The following KCNIP4 variants were observed in gnomAD, a reference collection of about 807,000 sequenced individuals.
KCNIP4 encodes potassium voltage-gated channel interacting protein 4, also known as Kv channel-interacting protein 4.
Under a neutral mutation model 34.0 loss-of-function variants are expected in KCNIP4, and 12 were observed. That is an observed-to-expected ratio of 0.35 (90% CI 0.23 to 0.57). KCNIP4 has a LOEUF of 0.57. Ranked by LOEUF, KCNIP4 falls within the 20% of genes least tolerant of loss-of-function variation. The pLI is 0.83. For synonymous variants in KCNIP4, 124 were observed against 102.2 expected (o/e 1.21, Z -1.29); for missense variants, 238 against 311.7 (o/e 0.76, Z 1.78).
intron 1 of KCNIP4, among the ~76,000 whole-genome samples, chr4:21,556,697 G>A (rs1383216436): frequency 1.3e-5 from 2 of 152,006 alleles, no homozygotes; most frequent in Admixed American, 1.3e-4. Flanking sequence ...GAGGCAGGCA[G>A]ATCACCTGAG....
intron 1 of KCNIP4, among the ~76,000 whole-genome samples, chr4:21,670,907 C>T (rs564220832): frequency 2.6e-5 from 4 of 151,962 alleles, no homozygotes; most frequent in Admixed American, 6.5e-5. Flanking sequence ...CCGCCCGCCT[C>T]GGCCTCCCAA....
At chr4:21,080,371 C>T (rs1051841399) in intron 1 of KCNIP4, among the ~76,000 whole-genome samples, 1 of 152,072 alleles carries the variant, frequency 6.6e-6, no homozygotes, top group African/African-American at 2.4e-5. Context: ...CATTATTATG[C>T]TTACCTCTAC....
chr4:21,027,878 A>G (rs1447152093), intron 1 of KCNIP4, among the ~76,000 whole-genome samples: 1 of 152,164 alleles, frequency 6.6e-6, no homozygotes, highest in East Asian at 1.9e-4. Flanking sequence ...ATAATTTAAC[A>G]TGATGACAAT....
chr4:21,860,905 A>T (rs1392253254), intron 1 of KCNIP4, among the ~76,000 whole-genome samples: 1 of 152,036 alleles, frequency 6.6e-6, no homozygotes, highest in Non-Finnish European at 1.5e-5. Flanking sequence ...AAATTCTGAA[A>T]TTTTTTTCTT....
At chr4:20,745,047 C>T (rs75745245) in intron 5 of KCNIP4, among the ~76,000 whole-genome samples, 1 of 152,166 alleles carries the variant, frequency 6.6e-6, no homozygotes, top group Non-Finnish European at 1.5e-5. Context: ...CAGACTCTTG[C>T]TAGGAATGGT....
chr4:20,922,539 G>A lies in KCNIP4; in HGVS notation c.62-39830C>T, dbSNP rs201902103. On this transcript the variant is annotated intron_variant, in intron 1 of 8. Transcript: ENST00000382152. ...TGACTGTCTGTCTGTCTGTCTGTCT[G>A]TCTGTCTGTCTATCTATCTATCTAT... Among the ~76,000 whole-genome samples, 817 of 88,056 alleles carry A rather than the reference G, an allele frequency of 9.3e-3. 5 individuals are homozygous for A. Among genetic ancestry groups the A allele is most frequent in the Middle Eastern group, 0.046 (8 of 174 alleles). The allele number at this position is 88,056 out of a possible 152,430, so 57.8% of individuals were successfully genotyped here. A position where few individuals can be genotyped will look rare whatever the true frequency, so the allele number is the denominator to read the frequency against.
At chr4:20,859,344 C>A (rs1219859808) in intron 2 of KCNIP4, among the ~76,000 whole-genome samples, 1 of 152,184 alleles carries the variant, frequency 6.6e-6, no homozygotes, top group East Asian at 1.9e-4. Context: ...GCCATGCAGA[C>A]ATATCATCAC....
At chr4:21,648,544 C>A (rs1013743673) in intron 1 of KCNIP4, among the ~76,000 whole-genome samples, 3 of 152,142 alleles carry the variant, frequency 2.0e-5, no homozygotes, top group Non-Finnish European at 4.4e-5. Context: ...CTACCAGACA[C>A]ACCTTCCACA....
intron 1 of KCNIP4, among the ~76,000 whole-genome samples, chr4:21,048,086 T>G (rs987521707): frequency 1.6e-4 from 25 of 152,360 alleles, no homozygotes; most frequent in African/African-American, 5.0e-4. Context: ...TCCACAATTA[T>G]TTTGTATCTT....
rs1560708747 is a variant in KCNIP4, at chr4:21,086,983, T to TCTC, written c.62-204275_62-204274insGAG. On this transcript the variant is annotated intron_variant, in intron 1 of 8. Coordinates refer to ENST00000382152, the MANE Select transcript of KCNIP4 (RefSeq NM_025221.6). Reference sequence around the variant, plus strand: ...CCTTTTCCTTCCTCTCTCTCTCTCTTTCTTTCTTTTTTTTTTTTTTGAGTC... The same window carrying TCTC: ...CCTTTTCCTTCCTCTCTCTCTCTCTTCTCTCTTTCTTTTTTTTTTTTTTGAGTC... Among the ~76,000 whole-genome samples, 585 of 121,802 alleles carry TCTC rather than the reference T, an allele frequency of 4.8e-3. 6 individuals carry two copies. Among genetic ancestry groups the TCTC allele is most frequent in the African/African-American group, 0.022 (556 of 24,874 alleles). The allele number at this position is 121,802 out of a possible 152,430, so 79.9% of individuals were successfully genotyped here. A position where few individuals can be genotyped will look rare whatever the true frequency, so the allele number is the denominator to read the frequency against.
chr4:21,460,140 C>T (rs1729328020), intron 1 of KCNIP4, among the ~76,000 whole-genome samples: 1 of 143,820 alleles, frequency 7.0e-6, no homozygotes, highest in African/African-American at 2.5e-5. Flanking sequence ...TTTCCTATTG[C>T]TCTTTCCTCC....
At chr4:21,508,473 C>T (rs1734038538) in intron 1 of KCNIP4, among the ~76,000 whole-genome samples, 1 of 152,298 alleles carries the variant, frequency 6.6e-6, no homozygotes, top group Non-Finnish European at 1.5e-5. Flanking sequence ...TGCACAGTGG[C>T]AGGCACTGCT....
chr4:20,827,563 CAT>C (rs1717909647), intron 3 of KCNIP4, among the ~76,000 whole-genome samples: 1 of 152,114 alleles, frequency 6.6e-6, no homozygotes, highest in South Asian at 2.1e-4. Context: ...GGGACTTCAA[CAT>C]ATGAATTTTG....
chr4:21,925,008 T>C (rs1468101653), intron 1 of KCNIP4, among the ~76,000 whole-genome samples: 1 of 152,154 alleles, frequency 6.6e-6, no homozygotes, highest in Non-Finnish European at 1.5e-5. Context: ...TTCTCTCTCC[T>C]CCTTACTCAC....
At chr4:20,856,621 C>A (rs1034462073) in intron 2 of KCNIP4, among the ~76,000 whole-genome samples, 13 of 152,134 alleles carry the variant, frequency 8.5e-5, no homozygotes, top group Non-Finnish European at 2.9e-5. Context: ...ATCTGGTAAA[C>A]AAAGGATATT....
intron 1 of KCNIP4, among the ~76,000 whole-genome samples, chr4:20,915,515 C>A (rs1366020147): frequency 2.6e-5 from 4 of 152,100 alleles, no homozygotes; most frequent in African/African-American, 7.2e-5. Context: ...TTTTGTTCTG[C>A]AAAATAAAGA....
chr4:20,939,083 T>G (rs1577399362), intron 1 of KCNIP4, among the ~76,000 whole-genome samples: 2 of 152,168 alleles, frequency 1.3e-5, no homozygotes, highest in Non-Finnish European at 2.9e-5. Context: ...TTCTGTTGCA[T>G]TAGACACTGT....
chr4:20,757,252 C>T (rs1488786672), intron 4 of KCNIP4, among the ~76,000 whole-genome samples: 1 of 152,056 alleles, frequency 6.6e-6, no homozygotes, highest in East Asian at 1.9e-4. Flanking sequence ...GTCCCCACTT[C>T]TCATTTTCTC....
At chr4:20,811,322 G>A (rs181412301) in intron 3 of KCNIP4, among the ~76,000 whole-genome samples, 1 of 152,310 alleles carries the variant, frequency 6.6e-6, no homozygotes, top group Admixed American at 6.5e-5. Flanking sequence ...CCAAACTTCA[G>A]TGTGTATTTA....
Sources: allele counts gnomAD v4.1 joint callset (sites outside exome capture counted in the v4.1 genomes callset), GRCh38; gene constraint gnomAD v4.1.1; transcripts MANE v1.5; gene names NCBI Gene and HGNC (gene_info 2026-07-23, HGNC 2026-07-21).